Variants in GRB14 observed in about 807,000 individuals in gnomAD.
GRB14 encodes the protein growth factor receptor-bound protein 14.
In GRB14, 38 loss-of-function variants were observed where a neutral mutation model predicts 69.1. The observed-to-expected ratio is 0.55, with a 90% CI of 0.42 to 0.72. GRB14 has a LOEUF of 0.72. GRB14 is among the 30% of genes least tolerant of loss of function. The probability of loss-of-function intolerance (pLI) is 0.00; values close to 1 mark genes in which losing one functional copy is unlikely to be tolerated. For synonymous variants in GRB14, 247 were observed against 241.3 expected (o/e 1.02, Z -0.22); for missense variants, 666 against 666.1 (o/e 1.00, Z 0.00).
chr2:164,522,202 T>G (rs1015688240), intron 5 of GRB14, 85 bp from the exon 6 acceptor site: 7 of 769,264 alleles, frequency 9.1e-6, no homozygotes, highest in Non-Finnish European at 1.5e-5. Flanking sequence ...ATTCCAAATA[T>G]AAACATGTAA....
At chr2:164,496,066 C>T (rs543332319) in intron 12 of GRB14, among the ~76,000 whole-genome samples, 10 of 152,258 alleles carry the variant, frequency 6.6e-5, no homozygotes, top group East Asian at 5.8e-4. Context: ...TGCAAAGAAA[C>T]GTATTAAAAT....
chr2:164,545,602 A>C (rs1487572963), intron 3 of GRB14, among the ~76,000 whole-genome samples: 1 of 152,206 alleles, frequency 6.6e-6, no homozygotes, highest in African/African-American at 2.4e-5. Context: ...TATGGATTTC[A>C]GTCTTCTGGC....
At chr2:164,508,645 G>A in intron 7 of GRB14, 95 bp from the exon 8 acceptor site, 1 of 1,432,124 alleles carries the variant, frequency 7.0e-7, no homozygotes, top group South Asian at 1.2e-5. Context: ...ATATATAAGA[G>A]AAAGCTGTCT....
At chr2:164,545,494 C>T (rs980899943) in intron 3 of GRB14, among the ~76,000 whole-genome samples, 3 of 152,012 alleles carry the variant, frequency 2.0e-5, no homozygotes, top group African/African-American at 7.2e-5. Context: ...CAGCCACAAG[C>T]CAACAAATGC....
At chr2:164,592,523 A>G (rs1476312892) in intron 2 of GRB14, among the ~76,000 whole-genome samples, 1 of 152,138 alleles carries the variant, frequency 6.6e-6, no homozygotes, top group Non-Finnish European at 1.5e-5. Context: ...GCCAGCTCTG[A>G]CATGGAGGCC....
chr2:164,518,694 A>G (rs1042024705), intron 6 of GRB14, among the ~76,000 whole-genome samples: 2 of 152,122 alleles, frequency 1.3e-5, no homozygotes, highest in Non-Finnish European at 2.9e-5. Context: ...AGATATTACA[A>G]CCAATACCAG....
At chr2:164,550,686 A>C (rs1195350509) in intron 2 of GRB14, among the ~76,000 whole-genome samples, 2 of 152,198 alleles carry the variant, frequency 1.3e-5, no homozygotes, top group Non-Finnish European at 2.9e-5. Flanking sequence ...ATGTCCAGCA[A>C]AGCATTATGT....
intron 6 of GRB14, among the ~76,000 whole-genome samples, chr2:164,518,646 G>A (rs1687554321): frequency 6.6e-6 from 1 of 151,926 alleles, no homozygotes; most frequent in Non-Finnish European, 1.5e-5. Context: ...GAAAAGAAGA[G>A]AGAAGACCCA....
intron 3 of GRB14, among the ~76,000 whole-genome samples, chr2:164,545,140 G>A (rs1688342010): frequency 6.6e-6 from 1 of 152,164 alleles, no homozygotes; most frequent in Admixed American, 6.5e-5. Flanking sequence ...TCTTTCACAA[G>A]TCTGAACAAA....
Position 164,621,215 on chromosome 2 carries a change from C to A in GRB14, c.95G>T (p.Gly32Val). ...CGCCAGGTCGTGGGCGTCGCCCCTC[C>A]CCTGGGCAGCGCCACACACCTGGGC... The part of the protein sequence containing the change: ...LAAQVCGAAQ[G>V]RGDAHDLAPA... Residue 32 changes from glycine (G) to valine (V), a missense_variant, in exon 1 of 14, where the codon GGG becomes GTG. Gly to Val is a moderately radical substitution (Grantham distance 109). Transcript: ENST00000263915. This position sits in a 1 kb window ranked among gnomAD's most constrained non-coding sequence, Gnocchi z 6.0. 8.0e-7 allele frequency: 1 copy of A among 1,247,260 alleles called. No homozygotes were observed. The highest frequency in any genetic ancestry group is 1.0e-6 in the Non-Finnish European group (1 of 992,644). 77.3% of individuals were successfully genotyped at this position (1,247,260 alleles called of 1,614,324 possible). A position where few individuals can be genotyped will look rare whatever the true frequency, so the allele number is the denominator to read the frequency against.
At chr2:164,528,563 G>T (rs939445011) in intron 3 of GRB14, among the ~76,000 whole-genome samples, 1 of 152,062 alleles carries the variant, frequency 6.6e-6, no homozygotes, top group African/African-American at 2.4e-5. Context: ...AGTGTTCAAT[G>T]AATATGGATG....
At chr2:164,570,469 T>TA (rs1456417018) in intron 2 of GRB14, among the ~76,000 whole-genome samples, 1 of 152,060 alleles carries the variant, frequency 6.6e-6, no homozygotes, top group Non-Finnish European at 1.5e-5. Context: ...ATAGAGATAT[T>TA]AATTTTTAAG....
intron 2 of GRB14, among the ~76,000 whole-genome samples, chr2:164,595,675 C>G (rs1466760986): frequency 6.6e-6 from 1 of 152,148 alleles, no homozygotes; most frequent in East Asian, 1.9e-4. Context: ...TCAGCTATGA[C>G]TTTCATAGAT....
intron 2 of GRB14, among the ~76,000 whole-genome samples, chr2:164,618,053 G>A (rs13035071): frequency 0.75 from 111,456 of 149,248 alleles, 42,427 homozygotes; most frequent in Admixed American, 0.84. Context: ...TGCAGCCTCC[G>A]CCTCCTGGGT....
chr2:164,558,507 G>C (rs1211567252), intron 2 of GRB14, among the ~76,000 whole-genome samples: 1 of 152,062 alleles, frequency 6.6e-6, no homozygotes, highest in Non-Finnish European at 1.5e-5. Context: ...CCACACTAAA[G>C]TTTCCGATGA....
In GRB14 at chr2:164,621,181, G is replaced by A. The variant is rs1690451754; in HGVS notation, c.129C>T (p.Pro43=). 1.6e-6 allele frequency: 2 copies of A among 1,243,348 alleles called. No homozygotes were observed. The highest frequency in any genetic ancestry group is 4.1e-5 in the South Asian group (1 of 24,440). The allele number at this position is 1,243,348 out of a possible 1,614,324, so 77.0% of individuals were successfully genotyped here. ...RGDAHDLAPA[P]WLHARALLPL... The stretch of plus-strand genomic sequence containing the variant: ...GCAGGAGCGCTCGCGCGTGCAGCCA[G>A]GGGGCCGGCGCCAGGTCGTGGGCGT... The change falls in exon 1 of 14, where the codon CCC becomes CCT. Residue 43 remains proline, a synonymous_variant. Coordinates refer to ENST00000263915, the MANE Select transcript of GRB14 (RefSeq NM_004490.3). This position sits in a 1 kb window ranked among gnomAD's most constrained non-coding sequence, Gnocchi z 6.0.
chr2:164,525,230 A>G, intron 4 of GRB14, 152 bp from the exon 5 acceptor site: 1 of 646,072 alleles, frequency 1.5e-6, no homozygotes, highest in East Asian at 2.9e-5. Flanking sequence ...CTTAGACTCT[A>G]CTCATAGGTA....
At chr2:164,568,164 T>C (rs1396365027) in intron 2 of GRB14, 1 of 316,648 alleles carries the variant, frequency 3.2e-6, no homozygotes, top group Non-Finnish European at 5.9e-6. Flanking sequence ...TCCAATAATA[T>C]GTCCTTTAAT....
Position 164,493,055 on chromosome 2 carries a change from C to T in GRB14, c.1604G>A (p.Cys535Tyr). ...GCTTGTCTAGAGAGCAATCCTAGCA[C>T]AATAATGTTTCAACTTGCAAGGAAG... ...GVLPCKLKHYCARIAL is the reference protein window; with the variant it reads ...GVLPCKLKHYYARIAL The change falls in exon 14 of 14, where the codon TGT becomes TAT. Residue 535 changes from cysteine to tyrosine, a missense_variant. Cys to Tyr is a radical substitution (Grantham distance 194, BLOSUM62 -2). Coordinates refer to ENST00000263915, the MANE Select transcript of GRB14 (RefSeq NM_004490.3). 6.2e-7 allele frequency: 1 copy of T among 1,613,372 alleles called. No homozygotes were observed. The highest frequency in any genetic ancestry group is 8.5e-7 in the Non-Finnish European group (1 of 1,179,570).
Sources: gnomAD v4.1 joint callset for allele counts (sites outside exome capture counted in the v4.1 genomes callset) on GRCh38, gnomAD v4.1.1 for gene constraint, Gnocchi (gnomAD v3.1) non-coding constraint, MANE v1.5 for transcripts, NCBI Gene and HGNC (gene_info 2026-07-23, HGNC 2026-07-21) for gene names.